EFHC1: variants seen among roughly 807,000 people sequenced by gnomAD.
EFHC1 encodes EF-hand domain containing 1.
In EFHC1, 53 loss-of-function variants were observed where a neutral mutation model predicts 69.9. That is an observed-to-expected ratio of 0.76 (90% CI 0.61 to 0.95). EFHC1 has a LOEUF of 0.95. EFHC1 is among the 40% of genes least tolerant of loss of function. The pLI, the probability that EFHC1 is intolerant of heterozygous loss-of-function variation, is 0.00. For synonymous variants in EFHC1, 256 were observed against 278.4 expected, an observed-to-expected ratio of 0.92 and a Z score of 0.80; for missense variants, 739 against 798.7, an observed-to-expected ratio of 0.93 and a Z score of 0.90.
intron 3 of EFHC1, among the ~76,000 whole-genome samples, chr6:52,445,206 T>C (rs768756954): frequency 1.3e-5 from 2 of 151,736 alleles, no homozygotes; most frequent in Non-Finnish European, 2.9e-5. Context: ...TTATTAGTCT[T>C]GCTAGCGGTC....
chr6:52,453,317 T>G, intron 4 of EFHC1: 1 of 1,287,258 alleles, frequency 7.8e-7, no homozygotes, highest in Non-Finnish European at 1.0e-6. Flanking sequence ...AATATTGGAG[T>G]CCAGAATGTT....
At chr6:52,453,959 T>G in intron 4 of EFHC1, 136 bp from the exon 5 acceptor site, 1 of 1,537,852 alleles carries the variant, frequency 6.5e-7, no homozygotes, top group Non-Finnish European at 8.7e-7. Context: ...TTCTTTTTTT[T>G]TCAATTTACC....
chr6:52,487,351 GCC>G (rs1765807151), intron 9 of EFHC1: 1 of 152,108 alleles, frequency 6.6e-6, no homozygotes, highest in Non-Finnish European at 1.5e-5. Flanking sequence ...CTCTCTTAAA[GCC>G]TATTGTGTGT....
chr6:52,479,754 G>A lies in EFHC1; in HGVS notation c.1607G>A (p.Arg536Gln), dbSNP rs867304706. Reference sequence around the variant, plus strand: ...CTCGCGTCAATTCAGAACCATGTCCGAAAGCGAGAAGCGCCTGCTCCAGAA... The same window carrying A: ...CTCGCGTCAATTCAGAACCATGTCCAAAAGCGAGAAGCGCCTGCTCCAGAA... ...EALASIQNHV[R>Q]KREAPAPEAE... Residue 536 changes from arginine (R) to glutamine (Q), a missense_variant, in exon 9 of 11, where the codon CGA (arginine) becomes CAA (glutamine). Transcript: ENST00000371068. 16 of 1,614,176 alleles carry A rather than the reference G, an allele frequency of 9.9e-6. No individual in the cohort carries two copies. Among genetic ancestry groups the A allele is most frequent in the Admixed American group, 1.7e-5 (1 of 60,020 alleles).
At chr6:52,475,688 A>C (rs1765530914) in intron 7 of EFHC1, among the ~76,000 whole-genome samples, 1 of 152,236 alleles carries the variant, frequency 6.6e-6, no homozygotes, top group African/African-American at 2.4e-5. Context: ...TTTAATGCAC[A>C]AACTATATTT....
rs1459089785 is a variant in EFHC1 at position 52,494,395 on chromosome 6, C to A, written c.*2054C>A. The stretch of plus-strand genomic sequence containing the variant: ...TTTCTTCTTACTCCCTTCTTTCTGT[C>A]TTCTGCTCCCTTTGTTCCTATTCAG... On this transcript the variant is annotated 3_prime_UTR_variant, in exon 11 of 11. Coordinates refer to ENST00000371068, the MANE Select transcript of EFHC1 (RefSeq NM_018100.4). 1 of 454,136 alleles carries A rather than the reference C, an allele frequency of 2.2e-6. No homozygotes were observed. The highest frequency in any genetic ancestry group is 4.4e-6 in the Non-Finnish European group (1 of 226,792). The allele number at this position is 454,136 out of a possible 1,614,324, so 28.1% of individuals were successfully genotyped here.
intron 1 of EFHC1, among the ~76,000 whole-genome samples, chr6:52,421,713 T>C (rs1481962468): frequency 2.0e-5 from 3 of 152,266 alleles, no homozygotes; most frequent in Non-Finnish European, 4.4e-5. Context: ...ATTTGTATTC[T>C]GAATCTCTGT....
intron 5 of EFHC1, among the ~76,000 whole-genome samples, chr6:52,455,974 T>C (rs1434655162): frequency 1.3e-5 from 2 of 152,048 alleles, no homozygotes; most frequent in African/African-American, 4.8e-5. Flanking sequence ...AAAAAATACA[T>C]GAAATTAGAT....
intron 10 of EFHC1, 25 bp from the exon 11 acceptor site, chr6:52,492,245 C>T (rs755644125): frequency 2.5e-6 from 4 of 1,606,840 alleles, no homozygotes; most frequent in Non-Finnish European, 3.4e-6. Flanking sequence ...ATCTGTCTCA[C>T]CTATTCTCTT....
intron 3 of EFHC1, among the ~76,000 whole-genome samples, chr6:52,446,492 G>A (rs1764789812): frequency 6.6e-6 from 1 of 152,158 alleles, no homozygotes; most frequent in Non-Finnish European, 1.5e-5. Flanking sequence ...ACAGCACACT[G>A]ATGGGTCTTG....
At chr6:52,481,845 A>ATTTCACC (rs1274384292) in intron 9 of EFHC1, 6 of 152,234 alleles carry the variant, frequency 3.9e-5, no homozygotes, top group African/African-American at 1.4e-4. Flanking sequence ...ATGTAGCTAA[A>ATTTCACC]GAAAAGAATG....
At chr6:52,489,248 A>G (rs2114035526) in intron 9 of EFHC1, 1 of 152,358 alleles carries the variant, frequency 6.6e-6, no homozygotes, top group East Asian at 1.9e-4. Context: ...GACTGGGCAT[A>G]ATTGAGAGAA....
chr6:52,436,335 C>A (rs1477824639), intron 2 of EFHC1, among the ~76,000 whole-genome samples: 2 of 151,918 alleles, frequency 1.3e-5, no homozygotes, highest in Non-Finnish European at 2.9e-5. Context: ...CTTGCCAGTT[C>A]TCTTGGTTTT....
rs182409564 is a variant in EFHC1, at chr6:52,462,660, C to T, written c.917-2235C>T. Among the ~76,000 whole-genome samples, 431 of 152,038 alleles carry T rather than the reference C, an allele frequency of 2.8e-3. 1 individual carries two copies. The highest frequency in any genetic ancestry group is 9.5e-3 in the African/African-American group (393 of 41,498). ...CAGCACTTTGGGAGGCCAAGGCAGGCGGATCACTTGAGGTCAGGAGTTCGA... is the reference window on the plus strand; with the variant it reads ...CAGCACTTTGGGAGGCCAAGGCAGGTGGATCACTTGAGGTCAGGAGTTCGA... On this transcript the variant is annotated intron_variant, in intron 5 of 10. Transcript: ENST00000371068.
At chr6:52,420,723 G>A (rs1764171604) in intron 1 of EFHC1, among the ~76,000 whole-genome samples, 1 of 152,050 alleles carries the variant, frequency 6.6e-6, no homozygotes, top group Non-Finnish European at 1.5e-5. Context: ...CATCTTGGCA[G>A]TGTGTTGGCG....
At position 52,496,057 on chromosome 6, in the gene EFHC1, G is replaced by A. The variant is rs769348269; in HGVS notation, c.*3716G>A. On this transcript the variant is annotated 3_prime_UTR_variant, in exon 11 of 11. Transcript: ENST00000371068. ...ATGTCACTAATTACCTTATGCTACAGTCATAGCTGGCATGCATCTGGAGTG... is the reference window on the plus strand; with the variant it reads ...ATGTCACTAATTACCTTATGCTACAATCATAGCTGGCATGCATCTGGAGTG... 1.6e-5 allele frequency: 3 copies of A among 188,802 alleles called. No individual in the cohort carries two copies. Among genetic ancestry groups the A allele is most frequent in the Non-Finnish European group, 3.4e-5 (3 of 89,414 alleles). 11.7% of individuals were successfully genotyped at this position (188,802 alleles called of 1,614,324 possible).
intron 2 of EFHC1, chr6:52,437,415 G>A (rs1367949489): frequency 2.6e-5 from 4 of 152,200 alleles, no homozygotes; most frequent in Admixed American, 6.5e-5. Context: ...CACATTGTGA[G>A]TATTTAAAGC....
chr6:52,454,272 T>C lies in EFHC1; in HGVS notation c.901T>C (p.Leu301=), dbSNP rs763152151. The C allele has an allele frequency of 6.2e-7, 1 of 1,614,112 alleles. No individual in the cohort carries two copies. Among genetic ancestry groups the C allele is most frequent in the Non-Finnish European group, 8.5e-7 (1 of 1,179,998 alleles). ...LMNRQRVPKV[L]VENAKNFPQC... ...GAACCGCCAGCGTGTGCCCAAAGTTTTGGTGGAAAATGCAAGTATGTTTGA... is the reference window on the plus strand; with the variant it reads ...GAACCGCCAGCGTGTGCCCAAAGTTCTGGTGGAAAATGCAAGTATGTTTGA... Residue 301 remains leucine (L), a synonymous_variant, in exon 5 of 11, where the codon TTG becomes CTG. Transcript: ENST00000371068.
At chr6:52,431,618 T>TGTTGA (rs1764415635) in intron 2 of EFHC1, among the ~76,000 whole-genome samples, 1 of 152,202 alleles carries the variant, frequency 6.6e-6, no homozygotes, top group African/African-American at 2.4e-5. Context: ...TTTTGTGGCC[T>TGTTGA]ATCATATGGT....
Sources: gnomAD v4.1 joint callset for allele counts (sites outside exome capture counted in the v4.1 genomes callset) on GRCh38, gnomAD v4.1.1 for gene constraint, MANE v1.5 for transcripts, NCBI Gene and HGNC (gene_info 2026-07-23, HGNC 2026-07-21) for gene names.